The following HEATR5A variants were observed in gnomAD, a reference collection of about 807,000 sequenced individuals.
HEATR5A encodes HEAT repeat-containing protein 5A.
In HEATR5A, 178 loss-of-function variants were observed where a neutral mutation model predicts 218.8. The observed-to-expected ratio is 0.81, with a 90% CI of 0.72 to 0.92. The LOEUF (loss-of-function observed/expected upper bound fraction) is 0.92. HEATR5A is among the 40% of genes least tolerant of loss of function. The probability of loss-of-function intolerance (pLI) is 0.00; values close to 1 mark genes in which losing one functional copy is unlikely to be tolerated. For missense variants in HEATR5A, 2,420 were observed against 2,418.9 expected, an observed-to-expected ratio of 1.00 and a Z score of -0.01; for synonymous variants, 864 against 871.6, an observed-to-expected ratio of 0.99 and a Z score of 0.15.
intron 9 of HEATR5A, among the ~76,000 whole-genome samples, chr14:31,385,132 G>T (rs1248192101): frequency 6.6e-6 from 1 of 152,042 alleles, no homozygotes; most frequent in Non-Finnish European, 1.5e-5. Flanking sequence ...AAGCCATAAT[G>T]ATATATTTTT....
Position 31,293,887 on chromosome 14 carries a change from T to A in HEATR5A, c.5833+4A>T. 1 of 1,587,612 alleles carries A rather than the reference T, an allele frequency of 6.3e-7. No individual in the cohort carries two copies. The highest frequency in any genetic ancestry group is 8.6e-7 in the Non-Finnish European group (1 of 1,164,516). On this transcript the variant is annotated splice_donor_region_variant and intron_variant, in intron 35 of 35. Coordinates refer to ENST00000543095, the MANE Select transcript of HEATR5A (RefSeq NM_015473.4). The stretch of plus-strand genomic sequence containing the variant: ...CTGAGTATGAATTTAGTGCTGACAC[T>A]TACGATGGTGTTCTTCAGCAACAGT...
chr14:31,350,570 A>T (rs201970982), intron 17 of HEATR5A, 42 bp downstream of exon 17: 157 of 1,132,126 alleles, frequency 1.4e-4, no homozygotes, highest in Non-Finnish European at 1.8e-4. Flanking sequence ...CAAATTTTTT[A>T]AAAAATGAAG....
intron 13 of HEATR5A, among the ~76,000 whole-genome samples, chr14:31,366,650 C>T (rs1456432699): frequency 6.6e-6 from 1 of 152,104 alleles, no homozygotes; most frequent in African/African-American, 2.4e-5. Context: ...ATAAATAAAT[C>T]TTTTATCAGG....
At chr14:31,349,317 G>A (rs1901130834) in intron 18 of HEATR5A, among the ~76,000 whole-genome samples, 1 of 152,022 alleles carries the variant, frequency 6.6e-6, no homozygotes, top group Non-Finnish European at 1.5e-5. Context: ...CTGGGAGGCG[G>A]AGCTTGCAGT....
At chr14:31,369,634 A>G (rs76689030) in intron 13 of HEATR5A, among the ~76,000 whole-genome samples, 1 of 145,972 alleles carries the variant, frequency 6.9e-6, no homozygotes, top group South Asian at 2.1e-4. Flanking sequence ...AAAAAAAAAA[A>G]AACCCAAAAA....
chr14:31,307,786 A>C, intron 30 of HEATR5A, 107 bp downstream of exon 30: 1 of 1,312,664 alleles, frequency 7.6e-7, no homozygotes, highest in Non-Finnish European at 1.0e-6. Flanking sequence ...TATGGTTTAG[A>C]AAAAAAATTT....
intron 18 of HEATR5A, among the ~76,000 whole-genome samples, chr14:31,349,368 G>A (rs1402215585): frequency 3.3e-5 from 5 of 151,976 alleles, no homozygotes; most frequent in Non-Finnish European, 5.9e-5. Flanking sequence ...TGGGCGACAG[G>A]GTGAGACTCC....
chr14:31,307,819 C>T (rs2139140911), intron 30 of HEATR5A, 74 bp downstream of exon 30: 1 of 1,507,020 alleles, frequency 6.6e-7, no homozygotes, highest in Non-Finnish European at 8.9e-7. Context: ...TTTCTGTTAA[C>T]TATAGAAACC....
chr14:31,390,224 A>G (rs754634566), intron 6 of HEATR5A, among the ~76,000 whole-genome samples: 5 of 152,118 alleles, frequency 3.3e-5, no homozygotes, highest in Non-Finnish European at 5.9e-5. Flanking sequence ...TAAGGATGGT[A>G]AGAGGGCAGA....
chr14:31,402,548 G>T (rs2030917853), intron 2 of HEATR5A, among the ~76,000 whole-genome samples: 1 of 152,184 alleles, frequency 6.6e-6, no homozygotes, highest in African/African-American at 2.4e-5. Flanking sequence ...GAGGAACATA[G>T]ATGCAGACCA....
At chr14:31,371,055 C>A (rs1016643649) in intron 13 of HEATR5A, among the ~76,000 whole-genome samples, 1 of 152,166 alleles carries the variant, frequency 6.6e-6, no homozygotes, top group Admixed American at 6.5e-5. Context: ...TGACCCACTG[C>A]CTGTTTTTGT....
At position 31,341,846 on chromosome 14, in the gene HEATR5A, C is replaced by T. The variant is rs903364335; in HGVS notation, c.3228+2050G>A. The stretch of plus-strand genomic sequence containing the variant: ...TCTTCTACAAGACAAGAAGAAAAAA[C>T]GGCAGTATCACTTAATTTAAATGGA... On this transcript the variant is annotated intron_variant, in intron 21 of 35. Coordinates refer to ENST00000543095, the MANE Select transcript of HEATR5A (RefSeq NM_015473.4). Among the ~76,000 whole-genome samples, 7 of 152,118 alleles carry T rather than the reference C, an allele frequency of 4.6e-5. No homozygotes were observed. In the East Asian group the frequency reaches 5.8e-4, roughly 13 times the overall value.
intron 12 of HEATR5A, among the ~76,000 whole-genome samples, chr14:31,372,378 T>C (rs1187358592): frequency 2.0e-5 from 3 of 152,212 alleles, no homozygotes; most frequent in African/African-American, 7.2e-5. Flanking sequence ...GGTTTCACCA[T>C]GTTGGCCAGG....
At chr14:31,304,574 T>C (rs1182783999) in intron 32 of HEATR5A, among the ~76,000 whole-genome samples, 3 of 152,090 alleles carry the variant, frequency 2.0e-5, no homozygotes, top group African/African-American at 7.2e-5. Context: ...TGTGCCACCA[T>C]GCCTGGCTAA....
intron 12 of HEATR5A, among the ~76,000 whole-genome samples, chr14:31,373,096 AT>A (rs1340542193): frequency 2.6e-5 from 4 of 151,932 alleles, no homozygotes; most frequent in African/African-American, 9.7e-5. Context: ...TAATTTTTGT[AT>A]TTTTTGTAGA....
In HEATR5A at chr14:31,389,073, C is replaced by T. The variant is rs183316708; in HGVS notation, c.773-68G>A. Reference sequence around the variant, plus strand: ...AATTTTAATGTAAGTTCTTGATTTGCAAAAAGCATGTTAATAGAAACAAAA... The same window carrying T: ...AATTTTAATGTAAGTTCTTGATTTGTAAAAAGCATGTTAATAGAAACAAAA... On this transcript the variant is annotated intron_variant, in intron 6 of 35. Transcript: ENST00000543095. 3.9e-4 allele frequency: 538 copies of T among 1,365,538 alleles called. 1 individual carries two copies. In the East Asian group the frequency reaches 0.01, roughly 26 times the overall value. The allele number at this position is 1,365,538 out of a possible 1,614,324, so 84.6% of individuals were successfully genotyped here.
At chr14:31,392,959 C>G (rs989385857) in intron 6 of HEATR5A, among the ~76,000 whole-genome samples, 1 of 152,208 alleles carries the variant, frequency 6.6e-6, no homozygotes, top group Non-Finnish European at 1.5e-5. Flanking sequence ...CTGCTCCACC[C>G]TGGGTGGCAG....
chr14:31,386,047 G>A (rs923783300), intron 9 of HEATR5A, among the ~76,000 whole-genome samples: 1 of 152,116 alleles, frequency 6.6e-6, no homozygotes, highest in African/African-American at 2.4e-5. Context: ...TCTGAATAAA[G>A]CTATTATAAA....
chr14:31,337,725 C>G, intron 21 of HEATR5A, 111 bp from the exon 22 acceptor site: 1 of 828,042 alleles, frequency 1.2e-6, no homozygotes, highest in Non-Finnish European at 1.9e-6. Context: ...CATCAGTGGG[C>G]TGGACACAAT....
Sources: gnomAD v4.1 joint callset for allele counts (sites outside exome capture counted in the v4.1 genomes callset) on GRCh38, gnomAD v4.1.1 for gene constraint, MANE v1.5 for transcripts, NCBI Gene and HGNC (gene_info 2026-07-23, HGNC 2026-07-21) for gene names.